Variants in TBX18 observed in about 807,000 individuals in gnomAD.
The protein encoded by TBX18 is T-box transcription factor 18.
In TBX18, 21 loss-of-function variants were observed where a neutral mutation model predicts 55.0. That is an observed-to-expected ratio of 0.38 (90% CI 0.27 to 0.55). The LOEUF is 0.55. Ranked by LOEUF, TBX18 falls within the 20% of genes least tolerant of loss-of-function variation. The probability of loss-of-function intolerance (pLI) is 0.73; values close to 1 mark genes in which losing one functional copy is unlikely to be tolerated. For missense variants in TBX18, 840 were observed against 799.6 expected, an observed-to-expected ratio of 1.05 and a Z score of -0.61; for synonymous variants, 342 against 326.1, an observed-to-expected ratio of 1.05 and a Z score of -0.53.
intron 4 of TBX18, among the ~76,000 whole-genome samples, chr6:84,753,072 A>G (rs984700682): frequency 6.6e-6 from 1 of 152,238 alleles, no homozygotes; most frequent in African/African-American, 2.4e-5. Flanking sequence ...ACCAGTCTTC[A>G]TTTGTATAAA....
In TBX18 at chr6:84,756,885, C is replaced by G; in HGVS notation, c.600-16G>C. 6.2e-7 allele frequency: 1 copy of G among 1,612,860 alleles called. No individual in the cohort carries two copies. Among genetic ancestry groups the G allele is most frequent in the Non-Finnish European group, 8.5e-7 (1 of 1,179,148 alleles). On this transcript the variant is annotated splice_polypyrimidine_tract_variant and intron_variant, in intron 3 of 7. Coordinates refer to ENST00000369663, the MANE Select transcript of TBX18 (RefSeq NM_001080508.3). ...GTAAACATACCTAGAAGGCAATGAC[C>G]AGGCGTTCAGTATACTGTTTTTATC...
intron 3 of TBX18, among the ~76,000 whole-genome samples, chr6:84,758,248 A>G (rs1767548006): frequency 6.6e-6 from 1 of 151,966 alleles, no homozygotes; most frequent in African/African-American, 2.4e-5. Context: ...CTCTACTAAA[A>G]ATACAAAAAG....
At position 84,734,502 on chromosome 6, in the gene TBX18, A is replaced by G. The variant is rs1333549943; in HGVS notation, c.*2183T>C. The G allele has an allele frequency of 2.0e-5, 3 of 152,592 alleles. No individual in the cohort carries two copies. Among genetic ancestry groups the G allele is most frequent in the African/African-American group, 7.2e-5 (3 of 41,450 alleles). 9.5% of individuals were successfully genotyped at this position (152,592 alleles called of 1,614,324 possible). On this transcript the variant is annotated 3_prime_UTR_variant, in exon 8 of 8. Coordinates refer to ENST00000369663, the MANE Select transcript of TBX18 (RefSeq NM_001080508.3). ...CTTTTTAATAAAATACAGATATATA[A>G]TTATCAATGTATGCATGTCATTTAA...
intron 3 of TBX18, among the ~76,000 whole-genome samples, 162 bp from the exon 4 acceptor site, chr6:84,757,031 T>C (rs1173477226): frequency 6.6e-6 from 1 of 152,204 alleles, no homozygotes. Context: ...CAAACCACTC[T>C]GAGGCAGCAG....
rs199910592 is a variant in TBX18, at chr6:84,762,527, G to C, written c.497+17C>G. On this transcript the variant is annotated intron_variant, in intron 2 of 7. Coordinates refer to ENST00000369663, the MANE Select transcript of TBX18 (RefSeq NM_001080508.3). ...GTCTGGGGTAGGGAGGGGCGTCCAC[G>C]CCAGCTTGCCCATTACCTGCCGGCC... 1.9e-4 allele frequency: 302 copies of C among 1,613,792 alleles called. 2 individuals are homozygous for C. The African/African-American group carries it at 3.7e-3, about 20-fold the overall frequency.
chr6:84,758,811 TACAA>T (rs1767565837), intron 3 of TBX18, among the ~76,000 whole-genome samples: 1 of 152,216 alleles, frequency 6.6e-6, no homozygotes. Flanking sequence ...ATACAAATAG[TACAA>T]ACAAATTTCT....
chr6:84,760,679 T>C (rs1399469904), intron 2 of TBX18, among the ~76,000 whole-genome samples: 1 of 152,160 alleles, frequency 6.6e-6, no homozygotes, highest in Non-Finnish European at 1.5e-5. Context: ...GATAAGCATA[T>C]TTACTTTAGT....
intron 4 of TBX18, 134 bp downstream of exon 4, chr6:84,756,564 T>G (rs1024285932): frequency 1.8e-5 from 15 of 827,226 alleles, no homozygotes; most frequent in Non-Finnish European, 2.7e-5. Flanking sequence ...AACTTGATTC[T>G]GCAAAGACAG....
In TBX18 at chr6:84,764,458, C is replaced by T; in HGVS notation, c.-277G>A. 2.4e-6 allele frequency: 1 copy of T among 412,322 alleles called. No individual in the cohort carries two copies. Among genetic ancestry groups the T allele is most frequent in the African/African-American group, 2.1e-5 (1 of 48,398 alleles). 25.5% of individuals were successfully genotyped at this position (412,322 alleles called of 1,614,324 possible). A position where few individuals can be genotyped will look rare whatever the true frequency, so the allele number is the denominator to read the frequency against. On this transcript the variant is annotated 5_prime_UTR_variant, in exon 1 of 8. Transcript: ENST00000369663. The stretch of plus-strand genomic sequence containing the variant: ...CCTTTGCTCCCACCCCTTCCACCTC[C>T]TCCTGCTGCTCCGAGGTCTGCCTCA...
Position 84,750,483 on chromosome 6 carries a change from C to A in TBX18, c.772-2396G>T, listed in dbSNP as rs181412008. On this transcript the variant is annotated intron_variant, in intron 4 of 7. Transcript: ENST00000369663. Reference sequence around the variant, plus strand: ...CCTCCAATTAGAGGTGCTTCCCTTCCCTGTTTGATATGCAGGGTTCTGTGT... The same window carrying A: ...CCTCCAATTAGAGGTGCTTCCCTTCACTGTTTGATATGCAGGGTTCTGTGT... Among the ~76,000 whole-genome samples the A allele has an allele frequency of 8.3e-4, 127 of 152,104 alleles. 1 individual carries two copies. The highest frequency in any genetic ancestry group is 2.5e-3 in the African/African-American group (102 of 41,504).
intron 3 of TBX18, among the ~76,000 whole-genome samples, chr6:84,759,488 T>C (rs1297522369): frequency 2.0e-5 from 3 of 152,086 alleles, no homozygotes; most frequent in Non-Finnish European, 4.4e-5. Context: ...AATGTTAATG[T>C]TTTTAGCTCT....
chr6:84,751,469 T>A (rs1767347156), intron 4 of TBX18, among the ~76,000 whole-genome samples: 1 of 152,190 alleles, frequency 6.6e-6, no homozygotes, highest in African/African-American at 2.4e-5. Flanking sequence ...TAATATGTAT[T>A]CAGTATTATC....
At chr6:84,737,560 T>C in intron 7 of TBX18, 151 bp from the exon 8 acceptor site, 1 of 867,738 alleles carries the variant, frequency 1.2e-6, no homozygotes, top group South Asian at 3.9e-5. Context: ...TTCAAGGAAT[T>C]ATCTGGTTGA....
chr6:84,753,262 A>G (rs1328380330), intron 4 of TBX18, among the ~76,000 whole-genome samples: 1 of 152,146 alleles, frequency 6.6e-6, no homozygotes, highest in African/African-American at 2.4e-5. Context: ...CAAAACCTCA[A>G]TGTCACATCA....
chr6:84,755,463 C>A (rs74779590), intron 4 of TBX18, among the ~76,000 whole-genome samples: 10 of 151,932 alleles, frequency 6.6e-5, no homozygotes, highest in South Asian at 4.2e-4. Context: ...GCTGCCTCAG[C>A]GACACAGAAG....
Position 84,733,583 on chromosome 6 carries a change from A to C in TBX18, c.*3102T>G, listed in dbSNP as rs988878429. 3.3e-5 allele frequency: 5 copies of C among 152,210 alleles called. No homozygotes were observed. The highest frequency in any genetic ancestry group is 1.2e-4 in the African/African-American group (5 of 41,462). 9.4% of individuals were successfully genotyped at this position (152,210 alleles called of 1,614,324 possible). A position where few individuals can be genotyped will look rare whatever the true frequency, so the allele number is the denominator to read the frequency against. On this transcript the variant is annotated 3_prime_UTR_variant, in exon 8 of 8. Transcript: ENST00000369663. ...GAAATGATTATTTTTAATGCTCTGCACCAGGACTTCATGGGACACTGCAGA... is the reference window on the plus strand; with the variant it reads ...GAAATGATTATTTTTAATGCTCTGCCCCAGGACTTCATGGGACACTGCAGA...
chr6:84,737,194 T>C lies in TBX18; in HGVS notation c.1315A>G (p.Asn439Asp), dbSNP rs1358935893. ...TCACCAGCCTGGTTGGTGAGCCTGTTGTAGGTCTCTGCCAAAGATGTGCTG... is the reference window on the plus strand; with the variant it reads ...TCACCAGCCTGGTTGGTGAGCCTGTCGTAGGTCTCTGCCAAAGATGTGCTG... ...RYSTSLAETY[N>D]RLTNQAGETF... Residue 439 changes from asparagine to aspartate, a missense_variant, in exon 8 of 8, where the codon AAC becomes GAC. By Grantham distance (23) the Asn-to-Asp change is conservative. Transcript: ENST00000369663. 1 of 1,613,080 alleles carries C rather than the reference T, an allele frequency of 6.2e-7. No individual in the cohort carries two copies. Among genetic ancestry groups the C allele is most frequent in the East Asian group, 2.2e-5 (1 of 44,852 alleles).
rs1462316781 is a variant in TBX18 at position 84,733,761 on chromosome 6, C to A, written c.*2924G>T. 1 of 152,168 alleles carries A rather than the reference C, an allele frequency of 6.6e-6. No individual in the cohort carries two copies. Among genetic ancestry groups the A allele is most frequent in the Non-Finnish European group, 1.5e-5 (1 of 68,044 alleles). 9.4% of individuals were successfully genotyped at this position (152,168 alleles called of 1,614,324 possible). A position where few individuals can be genotyped will look rare whatever the true frequency, so the allele number is the denominator to read the frequency against. On this transcript the variant is annotated 3_prime_UTR_variant, in exon 8 of 8. Coordinates refer to ENST00000369663, the MANE Select transcript of TBX18 (RefSeq NM_001080508.3). ...TAATTTCACACTAAGGTGTGAGTTA[C>A]TGGTAGGATTAAGTCTGGAGGGGTA...
intron 6 of TBX18, among the ~76,000 whole-genome samples, chr6:84,743,066 C>T (rs1487483975): frequency 1.3e-5 from 2 of 152,160 alleles, no homozygotes; most frequent in Non-Finnish European, 2.9e-5. Flanking sequence ...AATTTCAATA[C>T]AGCAGACAAC....
Sources: allele counts gnomAD v4.1 joint callset (sites outside exome capture counted in the v4.1 genomes callset), GRCh38; gene constraint gnomAD v4.1.1; transcripts MANE v1.5; gene names NCBI Gene and HGNC (gene_info 2026-07-23, HGNC 2026-07-21).